The following NOTCH3 variants were observed in gnomAD, a reference collection of about 807,000 sequenced individuals.
NOTCH3 encodes the protein neurogenic locus notch homolog protein 3.
Under a neutral mutation model 213.3 loss-of-function variants are expected in NOTCH3, and 86 were observed. The ratio of observed to expected loss-of-function variants is 0.40; its 90% CI spans 0.34 to 0.48. NOTCH3 has a LOEUF of 0.48. Ranked by LOEUF, NOTCH3 falls within the 20% of genes least tolerant of loss-of-function variation. The pLI is 0.57. For missense variants in NOTCH3, 2,783 were observed against 3,272.6 expected (o/e 0.85, Z 3.65); for synonymous variants, 1,354 against 1,355.9 (o/e 1.00, Z 0.03).
intron 1 of NOTCH3, 122 bp from the exon 2 acceptor site, chr19:15,197,700 G>A (rs1009399651): frequency 1.6e-5 from 12 of 758,148 alleles, no homozygotes; most frequent in South Asian, 1.0e-4. Flanking sequence ...GCGTCTCTGC[G>A]GGTGCAGGGA....
In NOTCH3 at chr19:15,181,636, G is replaced by T. The variant is rs756288782; in HGVS notation, c.2732C>A (p.Thr911Asn). 6.4e-6 allele frequency: 10 copies of T among 1,551,542 alleles called. 1 individual carries two copies. In the African/African-American group the frequency reaches 1.4e-4, roughly 21 times the overall value. ...GAAGCCTCCGTAGCCTGGCGGGCAG[G>T]TGCAGGTGAAGGAGGCCACGTGGTC... ...CTDHVASFTC[T>N]CPPGYGGFHC... Residue 911 changes from threonine to asparagine, a missense_variant, in exon 17 of 33, where the codon ACC becomes AAC. Thr to Asn is a moderately conservative substitution (Grantham distance 65). This residue lies in a region of NOTCH3 where 861 missense variants were observed against 909.1 expected (regional missense o/e 0.95). Coordinates refer to ENST00000263388, the MANE Select transcript of NOTCH3 (RefSeq NM_000435.3).
chr19:15,176,487 G>GTGGTGGCT lies in NOTCH3; in HGVS notation c.4403+1030_4403+1037dup, dbSNP rs566567554. Among the ~76,000 whole-genome samples the GTGGTGGCT allele has an allele frequency of 4.5e-4, 69 of 152,142 alleles. 2 individuals are homozygous for GTGGTGGCT. In the South Asian group the frequency reaches 0.014, roughly 32 times the overall value. The stretch of plus-strand genomic sequence containing the variant: ...AATAAAAGGAATTTTTAGGCTAGAT[G>GTGGTGGCT]TGGTGGCTCAGGCCCACAATCCCAG... On this transcript the variant is annotated intron_variant, in intron 24 of 32. Transcript: ENST00000263388.
chr19:15,181,361 C>T (rs1483524384), intron 17 of NOTCH3, among the ~76,000 whole-genome samples, 199 bp from the exon 18 acceptor site: 1 of 152,204 alleles, frequency 6.6e-6, no homozygotes, highest in Non-Finnish European at 1.5e-5. Context: ...GTGAGAGCCA[C>T]CTGGAAGCCA....
At position 15,189,077 on chromosome 19, in the gene NOTCH3, G is replaced by C; in HGVS notation, c.1290C>G (p.Thr430=). 6.2e-7 allele frequency: 1 copy of C among 1,613,158 alleles called. No individual in the cohort carries two copies. Among genetic ancestry groups the C allele is most frequent in the Non-Finnish European group, 8.5e-7 (1 of 1,180,036 alleles). The change falls in exon 8 of 33, where the codon ACC becomes ACG. Residue 430 remains threonine (T), a synonymous_variant. Coordinates refer to ENST00000263388, the MANE Select transcript of NOTCH3 (RefSeq NM_000435.3). The stretch of plus-strand genomic sequence containing the variant: ...GCCCCGACAGACACTCGTTGACATC[G>C]GTCTCACAGCGAGGTCCAGTGTAGC... ...GRGYTGPRCE[T]DVNECLSGPC... is the part of the protein sequence containing the mutation.
chr19:15,182,934 G>C (rs200505609), intron 16 of NOTCH3, among the ~76,000 whole-genome samples: 1 of 151,990 alleles, frequency 6.6e-6, no homozygotes, highest in East Asian at 1.9e-4. Flanking sequence ...GAGCCACTGC[G>C]CCCAGCCGAT....
rs140852427 is a variant in NOTCH3, at chr19:15,165,850, C to T, written c.5604G>A (p.Gln1868=). 7 of 1,613,880 alleles carry T rather than the reference C, an allele frequency of 4.3e-6. No homozygotes were observed. In the African/African-American group the frequency reaches 9.3e-5, roughly 22 times the overall value. The change falls in exon 30 of 33, where the codon CAG becomes CAA. Residue 1868 remains glutamine, a synonymous_variant. Coordinates refer to ENST00000263388, the MANE Select transcript of NOTCH3 (RefSeq NM_000435.3). The surrounding 1 kb of genome is among the most constrained non-coding windows in gnomAD (Gnocchi z 4.7). ...GCAGGGGAGTGCGGCCTGAGTGGTC[C>T]TGGGCATTGGTGTCTGCCCCAGCAT... ...LLDAGADTNA[Q]DHSGRTPLHT... is the part of the protein sequence containing the mutation.
rs767385674 is a variant in NOTCH3 at position 15,179,451 on chromosome 19, C to T, written c.3373G>A (p.Glu1125Lys). The T allele has an allele frequency of 4.3e-6, 7 of 1,613,910 alleles. No homozygotes were observed. Among genetic ancestry groups the T allele is most frequent in the Middle Eastern group, 3.3e-4 (2 of 6,084 alleles). ...TGCTGGCAGGGCTGGGAGGCACACTCGTCCACGTCGTCCTCACAGTTATCA... is the reference window on the plus strand; with the variant it reads ...TGCTGGCAGGGCTGGGAGGCACACTTGTCCACGTCGTCCTCACAGTTATCA... ...NGDNCEDDVD[E>K]CASQPCQHGG... Residue 1125 changes from glutamate (E) to lysine (K), a missense_variant, in exon 21 of 33, where the codon GAG becomes AAG. Physicochemically the swap from Glu to Lys is moderately conservative, Grantham distance 56 (BLOSUM62 1). This residue lies in a region of NOTCH3 where 861 missense variants were observed against 909.1 expected (regional missense o/e 0.95). Transcript: ENST00000263388.
intron 31 of NOTCH3, among the ~76,000 whole-genome samples, chr19:15,164,465 T>C (rs778455456): frequency 1.4e-5 from 2 of 142,334 alleles, no homozygotes; most frequent in Non-Finnish European, 3.0e-5. Flanking sequence ...CACTGGAACC[T>C]GGGTAGTGGA....
chr19:15,171,052 T>C (rs2145402835), intron 25 of NOTCH3, among the ~76,000 whole-genome samples: 1 of 152,290 alleles, frequency 6.6e-6, no homozygotes, highest in Non-Finnish European at 1.5e-5. Flanking sequence ...ATGGATATTA[T>C]TTTTTGATCT....
rs376375415 is a variant in NOTCH3, at chr19:15,178,233, AC to A, written c.3838-144del. On this transcript the variant is annotated intron_variant, in intron 23 of 32. Coordinates refer to ENST00000263388, the MANE Select transcript of NOTCH3 (RefSeq NM_000435.3). ...GAGGTCAAGACTAAGGAAGGTTGAG[AC>A]CCCCTCAACCTCCCCATGTCCCACC... 88 of 553,516 alleles carry A rather than the reference AC, an allele frequency of 1.6e-4. 1 individual carries two copies. In the East Asian group the frequency reaches 2.2e-3, roughly 14 times the overall value. 34.3% of individuals were successfully genotyped at this position (553,516 alleles called of 1,614,324 possible).
rs1229985297 is a variant in NOTCH3 at position 15,170,110 on chromosome 19, C to G, written c.5175G>C (p.Glu1725Asp). The part of the protein sequence containing the change: ...GEVATDWMDT[E>D]CPEAKRLKVE... The stretch of plus-strand genomic sequence containing the variant: ...CCTTTAGCCGCTTGGCCTCTGGGCA[C>G]TCTGTGTCCATCCAGTCTGTGGCCA... The change falls in exon 28 of 33, where the codon GAG becomes GAC. Residue 1725 changes from glutamate (E) to aspartate (D), a missense_variant. By Grantham distance (45) the Glu-to-Asp change is conservative. Transcript: ENST00000263388. The G allele has an allele frequency of 6.3e-7, 1 of 1,599,900 alleles. No individual in the cohort carries two copies. Among genetic ancestry groups the G allele is most frequent in the Non-Finnish European group, 8.5e-7 (1 of 1,172,984 alleles).
chr19:15,179,892 CAAAT>C (rs1328684643), intron 20 of NOTCH3, among the ~76,000 whole-genome samples, 176 bp downstream of exon 20: 1 of 150,412 alleles, frequency 6.6e-6, no homozygotes, highest in African/African-American at 2.5e-5. Flanking sequence ...AAAAAACAAA[CAAAT>C]AAAAAAACAC....
At position 15,189,255 on chromosome 19, in the gene NOTCH3, C is replaced by T. The variant is rs768589180; in HGVS notation, c.1192+18G>A. 5.0e-6 allele frequency: 8 copies of T among 1,613,948 alleles called. No individual in the cohort carries two copies. The highest frequency in any genetic ancestry group is 6.8e-6 in the Non-Finnish European group (8 of 1,180,036). On this transcript the variant is annotated intron_variant, in intron 7 of 32. Coordinates refer to ENST00000263388, the MANE Select transcript of NOTCH3 (RefSeq NM_000435.3). ...CCCTCTTTCCCAGCCCATTCACAGA[C>T]GATGGAGCTCCCCTCACCGATAGAG...
At chr19:15,177,386 C>T in intron 24 of NOTCH3, 139 bp downstream of exon 24, 2 of 772,234 alleles carry the variant, frequency 2.6e-6, no homozygotes, top group Non-Finnish European at 4.5e-6. Context: ...ACACGTGGGA[C>T]ACACCGATGG....
rs1599395178 is a variant in NOTCH3, at chr19:15,192,253, G to T, written c.386C>A (p.Ala129Asp). ...LPDPCLSSPC[A>D]HGARCSVGPD... ...CCCCACTGAGCAGCGGGCACCGTGGGCACAAGGGCTGCTGAGGCAGGGATC... is the reference window on the plus strand; with the variant it reads ...CCCCACTGAGCAGCGGGCACCGTGGTCACAAGGGCTGCTGAGGCAGGGATC... The change falls in exon 4 of 33, where the codon GCC becomes GAC. Residue 129 changes from alanine (A) to aspartate (D), a missense_variant. Ala to Asp is a moderately radical substitution (Grantham distance 126). Coordinates refer to ENST00000263388, the MANE Select transcript of NOTCH3 (RefSeq NM_000435.3). 6.2e-7 allele frequency: 1 copy of T among 1,602,210 alleles called. No homozygotes were observed. The highest frequency in any genetic ancestry group is 8.5e-7 in the Non-Finnish European group (1 of 1,174,930).
rs751331013 is a variant in NOTCH3 at position 15,170,591 on chromosome 19, G to A, written c.4892-38C>T. The A allele has an allele frequency of 4.4e-6, 7 of 1,593,464 alleles. No individual in the cohort carries two copies. In the South Asian group the frequency reaches 5.6e-5, roughly 13 times the overall value. The stretch of plus-strand genomic sequence containing the variant: ...AGCAGAGGGCGGGGCTTCAGCCGAG[G>A]GCGGGGCTTTGGCCTCAGGCGGGGC... On this transcript the variant is annotated intron_variant, in intron 26 of 32. Coordinates refer to ENST00000263388, the MANE Select transcript of NOTCH3 (RefSeq NM_000435.3).
intron 24 of NOTCH3, among the ~76,000 whole-genome samples, chr19:15,175,590 T>TACACACACACAC (rs1555727085): frequency 9.3e-6 from 1 of 107,134 alleles, no homozygotes; most frequent in African/African-American, 3.6e-5. Context: ...TATATGTATA[T>TACACACACACAC]ACACACACAC....
In NOTCH3 at chr19:15,200,825, C is replaced by T; in HGVS notation, c.81G>A (p.Leu27=). 1 of 1,219,640 alleles carries T rather than the reference C, an allele frequency of 8.2e-7. No homozygotes were observed. Among genetic ancestry groups the T allele is most frequent in the Non-Finnish European group, 1.0e-6 (1 of 970,904 alleles). The allele number at this position is 1,219,640 out of a possible 1,614,324, so 75.6% of individuals were successfully genotyped here. ...GCCCCGCTAGCAGCAGCAGCAGGGG[C>T]AGCGCCCGCACGGGTGGCGGTGGCG... is the stretch of plus-strand genomic sequence containing the variant. The part of the protein sequence containing the change: ...PPPPPPPVRA[L]PLLLLLAGPG... The change falls in exon 1 of 33, where the codon CTG becomes CTA. Residue 27 remains leucine, a synonymous_variant. Coordinates refer to ENST00000263388, the MANE Select transcript of NOTCH3 (RefSeq NM_000435.3).
chr19:15,198,632 T>TGGTAGCAGGTG (rs2046987830), intron 1 of NOTCH3, among the ~76,000 whole-genome samples: 1 of 152,138 alleles, frequency 6.6e-6, no homozygotes, highest in Non-Finnish European at 1.5e-5. Context: ...GTGCCTGTAA[T>TGGTAGCAGGTG]CCTAGCTACT....
Sources: allele counts gnomAD v4.1 joint callset (sites outside exome capture counted in the v4.1 genomes callset), GRCh38; gene constraint gnomAD v4.1.1; regional missense constraint gnomAD v4.1.1; non-coding constraint Gnocchi (gnomAD v3.1); transcripts MANE v1.5; gene names NCBI Gene and HGNC (gene_info 2026-07-23, HGNC 2026-07-21).